Variants in CCDC14 observed in about 807,000 individuals in gnomAD.
CCDC14 encodes the protein coiled-coil domain containing 14, also known as coiled-coil domain-containing protein 14.
CCDC14 carries 71 observed loss-of-function variants against 81.4 expected under a neutral mutation model. The observed-to-expected ratio is 0.87, with a 90% CI of 0.72 to 1.06. The LOEUF (loss-of-function observed/expected upper bound fraction) is 1.06, where lower values mean the gene tolerates loss of function less well. CCDC14 is among the 50% of genes least tolerant of loss of function. The pLI is 0.00. For synonymous variants in CCDC14, 332 were observed against 364.8 expected (o/e 0.91, Z 1.03); for missense variants, 1,046 against 1,047.3 (o/e 1.00, Z 0.02).
intron 12 of CCDC14, among the ~76,000 whole-genome samples, chr3:123,928,659 T>C (rs1195167499): frequency 1.3e-5 from 2 of 152,184 alleles, no homozygotes; most frequent in Admixed American, 6.5e-5. Context: ...TGGAACATAA[T>C]ACAAAATTAA....
intron 12 of CCDC14, among the ~76,000 whole-genome samples, chr3:123,927,356 G>C (rs10934656): frequency 0.11 from 16,754 of 152,078 alleles, 2,073 homozygotes; most frequent in East Asian, 0.42. Flanking sequence ...GGTTGAGGCG[G>C]TACTGAGCTG....
In CCDC14 at chr3:123,955,745, GATT is replaced by G. The variant is rs1161414221; in HGVS notation, c.352+95_352+97del. Reference sequence around the variant, plus strand: ...AGCACACATAAACCTAACTAATACTGATTATTAAAATGAAAATCAACTGTATAA... The same window carrying G: ...AGCACACATAAACCTAACTAATACTGATTAAAATGAAAATCAACTGTATAA... On this transcript the variant is annotated intron_variant, in intron 5 of 12. Coordinates refer to ENST00000409697, the MANE Select transcript of CCDC14 (RefSeq NM_001366335.1). 6.1e-6 allele frequency: 7 copies of G among 1,142,010 alleles called. No individual in the cohort carries two copies. In the African/African-American group the frequency reaches 9.5e-5, roughly 16 times the overall value. 70.7% of individuals were successfully genotyped at this position (1,142,010 alleles called of 1,614,324 possible). A position where few individuals can be genotyped will look rare whatever the true frequency, so the allele number is the denominator to read the frequency against.
chr3:123,902,802 T>C (rs1353131588), intron 5 of CCDC14, among the ~76,000 whole-genome samples: 1 of 152,180 alleles, frequency 6.6e-6, no homozygotes, highest in Non-Finnish European at 1.5e-5. Context: ...TGTGCTTATC[T>C]TTTTAAAAAA....
At chr3:123,901,049 C>T (rs543207152) in intron 5 of CCDC14, among the ~76,000 whole-genome samples, 24 of 151,712 alleles carry the variant, frequency 1.6e-4, no homozygotes, top group Non-Finnish European at 2.9e-4. Flanking sequence ...CTGGCTAACA[C>T]GGTGAAGCCC....
chr3:123,931,580 C>T, intron 10 of CCDC14, 54 bp from the exon 11 acceptor site: 1 of 858,970 alleles, frequency 1.2e-6, no homozygotes. Context: ...AAAGTACAAA[C>T]TTGGAAAATA....
At chr3:123,904,629 A>AAG (rs1383285068) in intron 5 of CCDC14, among the ~76,000 whole-genome samples, 3 of 151,636 alleles carry the variant, frequency 2.0e-5, no homozygotes, top group Non-Finnish European at 2.9e-5. Flanking sequence ...AAAGAAAAAA[A>AAG]AAAAAACCCT....
chr3:123,923,392 C>T (rs558317704), intron 12 of CCDC14, among the ~76,000 whole-genome samples: 192 of 152,054 alleles, frequency 1.3e-3, no homozygotes, highest in African/African-American at 4.4e-3. Flanking sequence ...GGCCCACTCT[C>T]ACCACTTCTT....
intron 12 of CCDC14, among the ~76,000 whole-genome samples, chr3:123,919,572 G>A (rs577055007): frequency 6.6e-6 from 1 of 152,334 alleles, no homozygotes; most frequent in South Asian, 2.1e-4. Context: ...AACCCAGTCA[G>A]TGGCCTCACT....
chr3:123,936,544 G>T (rs569486998), intron 9 of CCDC14, among the ~76,000 whole-genome samples: 7 of 152,262 alleles, frequency 4.6e-5, no homozygotes, highest in African/African-American at 1.4e-4. Flanking sequence ...GCAAGAACAT[G>T]AAGGGAACTG....
intron 5 of CCDC14, chr3:123,955,344 T>C (rs1378858568): frequency 6.6e-6 from 1 of 152,160 alleles, no homozygotes; most frequent in African/African-American, 2.4e-5. Context: ...AAAGTACCCT[T>C]GGCTATACTC....
intron 5 of CCDC14, among the ~76,000 whole-genome samples, chr3:123,907,819 T>C (rs528759768): frequency 6.6e-6 from 1 of 152,052 alleles, no homozygotes; most frequent in East Asian, 1.9e-4. Flanking sequence ...ATCCACTGTT[T>C]CCTCTCCTAT....
In CCDC14 at chr3:123,913,941, A is replaced by G; in HGVS notation, c.*838T>C. On this transcript the variant is annotated 3_prime_UTR_variant, in exon 13 of 13. Transcript: ENST00000409697. ...CTTCATATTATTTATAAAATAGAGA[A>G]TATTCTCAGCTAACATGCTGGGAGA... 1 of 985,236 alleles carries G rather than the reference A, an allele frequency of 1.0e-6. No homozygotes were observed. Among genetic ancestry groups the G allele is most frequent in the Non-Finnish European group, 1.2e-6 (1 of 829,396 alleles). The allele number at this position is 985,236 out of a possible 1,614,324, so 61.0% of individuals were successfully genotyped here. A position where few individuals can be genotyped will look rare whatever the true frequency, so the allele number is the denominator to read the frequency against.
chr3:123,959,076 C>T (rs2037514672), intron 1 of CCDC14, among the ~76,000 whole-genome samples: 1 of 152,176 alleles, frequency 6.6e-6, no homozygotes, highest in Non-Finnish European at 1.5e-5. Context: ...CCACATTTGG[C>T]TATTGTGAAT....
intron 12 of CCDC14, among the ~76,000 whole-genome samples, chr3:123,928,415 A>C (rs2035506997): frequency 6.6e-6 from 1 of 151,086 alleles, no homozygotes; most frequent in African/African-American, 2.4e-5. Flanking sequence ...CTGAGGCAGG[A>C]GAATGGCGTG....
chr3:123,948,526 C>A (rs2036798924), intron 7 of CCDC14, among the ~76,000 whole-genome samples, 165 bp downstream of exon 7: 1 of 152,164 alleles, frequency 6.6e-6, no homozygotes, highest in Admixed American at 6.5e-5. Context: ...AGGCGTTTAG[C>A]CACGGCGCTC....
downstream of CCDC14, among the ~76,000 whole-genome samples, chr3:123,911,017 T>C (rs2034431982): frequency 6.6e-6 from 1 of 152,148 alleles, no homozygotes; most frequent in Admixed American, 6.5e-5. Context: ...ATTTCAAGAA[T>C]AAATAAAAAT....
chr3:123,928,491 G>C (rs905891646), intron 12 of CCDC14, among the ~76,000 whole-genome samples: 1 of 152,108 alleles, frequency 6.6e-6, no homozygotes, highest in Non-Finnish European at 1.5e-5. Context: ...GGGCGACAGA[G>C]TGAGACTATG....
At chr3:123,954,066 C>T (rs1695828701) in intron 5 of CCDC14, 1 of 152,172 alleles carries the variant, frequency 6.6e-6, no homozygotes, top group Admixed American at 6.6e-5. Flanking sequence ...TACCATGACA[C>T]CCACTGCCAG....
intron 5 of CCDC14, among the ~76,000 whole-genome samples, chr3:123,899,470 G>A (rs570819999): frequency 8.5e-5 from 13 of 152,230 alleles, no homozygotes; most frequent in South Asian, 4.1e-4. Flanking sequence ...CCTCGTCCCC[G>A]GGAAACCTGC....
Sources: allele counts gnomAD v4.1 joint callset (sites outside exome capture counted in the v4.1 genomes callset), GRCh38; gene constraint gnomAD v4.1.1; transcripts MANE v1.5; gene names NCBI Gene and HGNC (gene_info 2026-07-23, HGNC 2026-07-21).